Variants in SUGCT observed in about 807,000 individuals in gnomAD.
The protein encoded by SUGCT is succinyl-CoA:glutarate-CoA transferase, also known as succinyl-CoA:glutarate CoA-transferase.
SUGCT carries 41 observed loss-of-function variants against 55.0 expected under a neutral mutation model. The observed-to-expected ratio is 0.74, with a 90% confidence interval of 0.58 to 0.97. SUGCT has a LOEUF of 0.97. SUGCT is among the 50% of genes least tolerant of loss of function. SUGCT has a pLI of 0.00. For missense variants in SUGCT, 568 were observed against 547.8 expected, an observed-to-expected ratio of 1.04 and a Z score of -0.37; for synonymous variants, 187 against 200.4, an observed-to-expected ratio of 0.93 and a Z score of 0.56.
At chr7:40,381,863 T>A (rs1239124220) in intron 9 of SUGCT, among the ~76,000 whole-genome samples, 1 of 152,096 alleles carries the variant, frequency 6.6e-6, no homozygotes, top group Admixed American at 6.6e-5. Flanking sequence ...TTTATGTTAA[T>A]CATTTTCGGT....
At chr7:40,250,991 T>C (rs1790344389) in intron 7 of SUGCT, among the ~76,000 whole-genome samples, 1 of 147,584 alleles carries the variant, frequency 6.8e-6, no homozygotes, top group African/African-American at 2.4e-5. Flanking sequence ...CCCCTGCCAC[T>C]GCGCCTAATT....
At chr7:40,942,668 G>GT in the SUGCT span, among the ~76,000 whole-genome samples, 2 of 151,832 alleles carry the variant, frequency 1.3e-5, no homozygotes, top group South Asian at 4.1e-4. Flanking sequence ...CACACTTTTT[G>GT]TTTTTTCTTC....
chr7:40,386,365 C>T (rs1361021908), intron 9 of SUGCT, among the ~76,000 whole-genome samples: 2 of 152,188 alleles, frequency 1.3e-5, no homozygotes, highest in Non-Finnish European at 2.9e-5. Context: ...ACGGGAATCT[C>T]AGTTATAATG....
At chr7:40,150,674 A>G (rs1584188387) in intron 1 of SUGCT, among the ~76,000 whole-genome samples, 1 of 152,114 alleles carries the variant, frequency 6.6e-6, no homozygotes, top group African/African-American at 2.4e-5. Flanking sequence ...TACACACAAC[A>G]AAACAAAACA....
the SUGCT span, among the ~76,000 whole-genome samples, chr7:40,901,667 G>A: frequency 6.6e-6 from 1 of 152,178 alleles, no homozygotes; most frequent in Non-Finnish European, 1.5e-5. Flanking sequence ...AGATCCCAAA[G>A]CAAAGGATGC....
chr7:40,755,881 T>C (rs554517536), intron 13 of SUGCT, among the ~76,000 whole-genome samples: 1 of 152,310 alleles, frequency 6.6e-6, no homozygotes, highest in Non-Finnish European at 1.5e-5. Flanking sequence ...TCTGTGTTTT[T>C]CAGAAAGCAG....
chr7:40,436,139 C>T (rs1430588699), intron 9 of SUGCT, among the ~76,000 whole-genome samples: 5 of 151,916 alleles, frequency 3.3e-5, no homozygotes, highest in Admixed American at 6.6e-5. Context: ...GACAGGGTTT[C>T]GTCATGTTGG....
At chr7:40,833,773 G>GGCA in intron 13 of SUGCT, among the ~76,000 whole-genome samples, 1 of 148,958 alleles carries the variant, frequency 6.7e-6, no homozygotes, top group East Asian at 2.2e-4. Flanking sequence ...CAGTGGTGAA[G>GGCA]GCAGCATTTA....
the SUGCT span, among the ~76,000 whole-genome samples, chr7:40,892,393 A>AC: frequency 2.0e-5 from 3 of 152,218 alleles, no homozygotes; most frequent in South Asian, 6.2e-4. Context: ...ATCAAATCAT[A>AC]CTACCATGAA....
At chr7:40,528,202 A>T (rs931213100) in intron 12 of SUGCT, among the ~76,000 whole-genome samples, 2 of 152,186 alleles carry the variant, frequency 1.3e-5, no homozygotes, top group Admixed American at 6.5e-5. Flanking sequence ...CTTGGTACAT[A>T]ATAGATGCTC....
intron 13 of SUGCT, among the ~76,000 whole-genome samples, chr7:40,771,951 G>A (rs987821557): frequency 3.3e-5 from 5 of 152,078 alleles, no homozygotes; most frequent in Admixed American, 2.0e-4. Flanking sequence ...ATTGTTAGAG[G>A]ATAGTTAATT....
chr7:40,370,684 A>G (rs538448855), intron 9 of SUGCT, among the ~76,000 whole-genome samples: 109 of 151,468 alleles, frequency 7.2e-4, no homozygotes, highest in African/African-American at 2.6e-3. Flanking sequence ...TAAATGTTAA[A>G]TGTGGTATCT....
At chr7:40,247,493 A>G (rs1789974702) in intron 7 of SUGCT, among the ~76,000 whole-genome samples, 1 of 151,998 alleles carries the variant, frequency 6.6e-6, no homozygotes, top group African/African-American at 2.4e-5. Flanking sequence ...CCTAACCTCA[A>G]TTGATCCACC....
At chr7:40,612,168 G>A (rs1010376930) in intron 12 of SUGCT, among the ~76,000 whole-genome samples, 10 of 152,178 alleles carry the variant, frequency 6.6e-5, no homozygotes, top group African/African-American at 2.4e-4. Flanking sequence ...TTATATCTGC[G>A]AGAACCTTTA....
intron 7 of SUGCT, among the ~76,000 whole-genome samples, chr7:40,244,375 A>G (rs1332428623): frequency 3.9e-5 from 6 of 152,178 alleles, no homozygotes; most frequent in African/African-American, 1.2e-4. Context: ...AGGCGGTCTT[A>G]GGGAAAACAA....
chr7:40,150,670 C>CAACAAAACAA (rs140041088), intron 1 of SUGCT, among the ~76,000 whole-genome samples: 70 of 151,928 alleles, frequency 4.6e-4, no homozygotes, highest in African/African-American at 1.6e-3. Context: ...AAACTACACA[C>CAACAAAACAA]AACAAAACAA....
chr7:40,912,812 C>T, the SUGCT span, among the ~76,000 whole-genome samples: 1 of 147,986 alleles, frequency 6.8e-6, no homozygotes, highest in Non-Finnish European at 1.5e-5. Flanking sequence ...CATAATGCAA[C>T]GTGGAGTTCA....
chr7:40,929,627 A>G, the SUGCT span, among the ~76,000 whole-genome samples: 7,748 of 152,202 alleles, frequency 0.051, 294 homozygotes, highest in South Asian at 0.16. Context: ...CTGGTGTGAG[A>G]TGGTATCTCA....
the SUGCT span, among the ~76,000 whole-genome samples, chr7:40,973,795 GC>G: frequency 6.6e-6 from 1 of 152,062 alleles, no homozygotes; most frequent in South Asian, 2.1e-4. Context: ...ATTTCTAATA[GC>G]CCTTGTATTT....
Sources: gnomAD v4.1 joint callset for allele counts (sites outside exome capture counted in the v4.1 genomes callset) on GRCh38, gnomAD v4.1.1 for gene constraint, MANE v1.5 for transcripts, NCBI Gene and HGNC (gene_info 2026-07-23, HGNC 2026-07-21) for gene names.